Variants in BACH2 observed in about 807,000 individuals in gnomAD.
The protein encoded by BACH2 is BACH transcriptional regulator 2, also known as transcription regulator protein BACH2.
BACH2 carries 5 observed loss-of-function variants against 61.8 expected under a neutral mutation model. The observed-to-expected ratio is 0.08, with a 90% CI of 0.04 to 0.17. The LOEUF is 0.17. Among genes scored for constraint, BACH2 ranks in the 10% least tolerant of loss-of-function variants. BACH2 has a pLI of 1.00. For missense variants in BACH2, 824 were observed against 1,091.1 expected (o/e 0.76, Z 3.45); for synonymous variants, 446 against 440.1 (o/e 1.01, Z -0.17).
At chr6:90,096,537 T>G (rs1052904829) in intron 4 of BACH2, among the ~76,000 whole-genome samples, 1 of 152,238 alleles carries the variant, frequency 6.6e-6, no homozygotes, top group African/African-American at 2.4e-5. Context: ...CATTGATACC[T>G]GACACTTGGA....
chr6:90,108,287 T>C (rs773572011), intron 4 of BACH2, among the ~76,000 whole-genome samples: 2 of 152,196 alleles, frequency 1.3e-5, no homozygotes, highest in African/African-American at 2.4e-5. Context: ...TAATATTTAA[T>C]ATACCCTCCT....
intron 4 of BACH2, among the ~76,000 whole-genome samples, chr6:90,148,977 G>A (rs1428202864): frequency 6.6e-6 from 1 of 152,134 alleles, no homozygotes; most frequent in East Asian, 1.9e-4. Flanking sequence ...AGAACCAAAT[G>A]CTTCCAGAGT....
At chr6:90,212,923 G>A (rs1302506408) in intron 3 of BACH2, among the ~76,000 whole-genome samples, 2 of 152,174 alleles carry the variant, frequency 1.3e-5, no homozygotes, top group African/African-American at 4.8e-5. Flanking sequence ...AGGCTAGGGG[G>A]TTCTTGCACT....
chr6:90,219,942 C>T (rs774403425), intron 3 of BACH2, among the ~76,000 whole-genome samples: 1 of 152,126 alleles, frequency 6.6e-6, no homozygotes, highest in East Asian at 1.9e-4. Flanking sequence ...AGGGTTTGAT[C>T]CCAAGTGTGT....
At chr6:90,296,145 A>T (rs1582578530) in intron 1 of BACH2, among the ~76,000 whole-genome samples, 4 of 151,848 alleles carry the variant, frequency 2.6e-5, no homozygotes, top group East Asian at 3.9e-4. Context: ...TGCCTGACTT[A>T]TTACTCTCTG....
At chr6:90,127,937 T>C (rs1017017090) in intron 4 of BACH2, among the ~76,000 whole-genome samples, 12 of 152,174 alleles carry the variant, frequency 7.9e-5, no homozygotes, top group African/African-American at 2.4e-4. Flanking sequence ...GATGGTGATA[T>C]GTAAGTATCT....
intron 1 of BACH2, among the ~76,000 whole-genome samples, chr6:90,278,460 G>T (rs959657200): frequency 3.3e-5 from 5 of 152,162 alleles, no homozygotes; most frequent in Non-Finnish European, 4.4e-5. Flanking sequence ...TCAACCGTCT[G>T]TTTGCAACAG....
intron 6 of BACH2, among the ~76,000 whole-genome samples, chr6:89,960,129 G>A (rs1231854263): frequency 6.6e-6 from 1 of 152,162 alleles, no homozygotes; most frequent in Non-Finnish European, 1.5e-5. Flanking sequence ...GATACTTTCT[G>A]CGGTCATTAA....
intron 1 of BACH2, among the ~76,000 whole-genome samples, chr6:90,293,461 T>C (rs1772243591): frequency 6.6e-6 from 1 of 152,222 alleles, no homozygotes; most frequent in Non-Finnish European, 1.5e-5. Flanking sequence ...TGAGCCCTTT[T>C]GTTGGCATCA....
chr6:90,081,343 A>C (rs2127805001), intron 5 of BACH2, among the ~76,000 whole-genome samples: 2 of 152,228 alleles, frequency 1.3e-5, no homozygotes, highest in African/African-American at 4.8e-5. Context: ...AAAGAACCAA[A>C]TTCTCATTAT....
intron 4 of BACH2, among the ~76,000 whole-genome samples, chr6:90,154,594 T>C (rs1562477458): frequency 1.3e-5 from 2 of 152,136 alleles, no homozygotes; most frequent in Admixed American, 1.3e-4. Flanking sequence ...GGTAGCCCCC[T>C]TCCTCTTTAA....
chr6:90,075,955 G>T (rs901421715), intron 5 of BACH2, among the ~76,000 whole-genome samples: 5 of 152,118 alleles, frequency 3.3e-5, no homozygotes, highest in African/African-American at 1.2e-4. Context: ...CAATGATCTA[G>T]ATGATGGTAA....
chr6:90,038,873 T>C (rs1779391927), intron 5 of BACH2, among the ~76,000 whole-genome samples: 1 of 151,766 alleles, frequency 6.6e-6, no homozygotes, highest in African/African-American at 2.4e-5. Context: ...CCTGTCTCTC[T>C]ACTAAAAATA....
At chr6:89,934,935 G>A (rs1411272848) in intron 8 of BACH2, among the ~76,000 whole-genome samples, 2 of 152,144 alleles carry the variant, frequency 1.3e-5, no homozygotes, top group Non-Finnish European at 2.9e-5. Flanking sequence ...GTGGGCATGT[G>A]TGTCGGAAAG....
At chr6:89,989,185 C>A (rs371320663) in intron 6 of BACH2, among the ~76,000 whole-genome samples, 10 of 152,134 alleles carry the variant, frequency 6.6e-5, no homozygotes, top group African/African-American at 2.4e-4. Flanking sequence ...TTTCATGTGA[C>A]CTAGAAATGT....
intron 4 of BACH2, among the ~76,000 whole-genome samples, chr6:90,110,276 A>T (rs540762728): frequency 2.0e-5 from 3 of 152,340 alleles, no homozygotes; most frequent in African/African-American, 7.2e-5. Flanking sequence ...GTAGCTTTTA[A>T]ATGTGGAGTC....
intron 4 of BACH2, among the ~76,000 whole-genome samples, chr6:90,170,836 A>C (rs1767787164): frequency 6.6e-6 from 1 of 152,332 alleles, no homozygotes; most frequent in Non-Finnish European, 1.5e-5. Context: ...GATATGGCTA[A>C]GCAGCAAGAA....
chr6:90,047,303 C>A (rs1779830036), intron 5 of BACH2, among the ~76,000 whole-genome samples: 1 of 152,096 alleles, frequency 6.6e-6, no homozygotes, highest in Non-Finnish European at 1.5e-5. Flanking sequence ...GTGGCAGGGG[C>A]CTATAATGTA....
At chr6:90,222,422 CA>C (rs1255106180) in intron 3 of BACH2, among the ~76,000 whole-genome samples, 3 of 152,124 alleles carry the variant, frequency 2.0e-5, no homozygotes, top group African/African-American at 7.2e-5. Context: ...ATGGAAGAGT[CA>C]GAGTCAGAAG....
Sources: allele counts gnomAD v4.1 joint callset (sites outside exome capture counted in the v4.1 genomes callset), GRCh38; gene constraint gnomAD v4.1.1; transcripts MANE v1.5; gene names NCBI Gene and HGNC (gene_info 2026-07-23, HGNC 2026-07-21).